The following SNAP47 variants were observed in gnomAD, a reference collection of about 807,000 sequenced individuals.
SNAP47 encodes synaptosomal-associated protein 47.
SNAP47 carries 20 observed loss-of-function variants against 31.4 expected under a neutral mutation model. The ratio of observed to expected loss-of-function variants is 0.64; its 90% CI spans 0.45 to 0.93. The LOEUF is 0.93. SNAP47 is among the 40% of genes least tolerant of loss of function. SNAP47 has a pLI of 0.00. For synonymous variants in SNAP47, 194 were observed against 213.4 expected, an observed-to-expected ratio of 0.91 and a Z score of 0.79; for missense variants, 492 against 528.5, an observed-to-expected ratio of 0.93 and a Z score of 0.68.
At position 227,737,680 on chromosome 1, in the gene SNAP47, AG is replaced by A. The variant is rs1661313821; in HGVS notation, c.-46+2184del. Reference sequence around the variant, plus strand: ...GGGTGTGAGGTTTACCCAGGAGAACAGGGAGGAGCAGAAGAGGGAGGACCAA... The same window carrying A: ...GGGTGTGAGGTTTACCCAGGAGAACAGGAGGAGCAGAAGAGGGAGGACCAA... On this transcript the variant is annotated intron_variant, in intron 1 of 4. Coordinates refer to ENST00000617596, the MANE Select transcript of SNAP47 (RefSeq NM_053052.4). Among the ~76,000 whole-genome samples, 5 of 152,276 alleles carry A rather than the reference AG, an allele frequency of 3.3e-5. No homozygotes were observed. The South Asian group carries it at 1.0e-3, about 32-fold the overall frequency.
At chr1:227,779,139 A>G (rs1451042533) in intron 4 of SNAP47, among the ~76,000 whole-genome samples, 3 of 152,250 alleles carry the variant, frequency 2.0e-5, no homozygotes, top group Admixed American at 2.0e-4. Context: ...GCTTGTTCGC[A>G]TTTGTGATCT....
chr1:227,753,415 G>C (rs1172925287), intron 2 of SNAP47, among the ~76,000 whole-genome samples: 2 of 152,130 alleles, frequency 1.3e-5, no homozygotes, highest in African/African-American at 4.8e-5. Context: ...GCAGGTTCAC[G>C]GGGCATTCTT....
intron 3 of SNAP47, 67 bp downstream of exon 3, chr1:227,759,552 C>A: frequency 6.4e-7 from 1 of 1,561,312 alleles, no homozygotes. Flanking sequence ...CTCAGCACGC[C>A]TGTGGGAAAT....
chr1:227,759,223 C>A lies in SNAP47; in HGVS notation c.726C>A (p.Ser242=). 2 of 1,614,204 alleles carry A rather than the reference C, an allele frequency of 1.2e-6. No homozygotes were observed. Among genetic ancestry groups the A allele is most frequent in the Non-Finnish European group, 1.7e-6 (2 of 1,180,048 alleles). ...VLVSGLEIHD[S]SSLLMHRFER... ...TGTCTGGGTTGGAAATACATGACTC[C>A]AGTTCTTTGCTCATGCACAGGTTTG... The change falls in exon 3 of 5, where the codon TCC becomes TCA. Residue 242 remains serine (S), a synonymous_variant. Coordinates refer to ENST00000617596, the MANE Select transcript of SNAP47 (RefSeq NM_053052.4).
Position 227,750,615 on chromosome 1 carries a change from C to T in SNAP47, c.497+2382C>T, listed in dbSNP as rs566177144. ...GCCTCCGTCCTGGCTTCTCCCTGCC[C>T]TGGCTCGCTGCTGAGGGGTGTCCCT... On this transcript the variant is annotated intron_variant, in intron 2 of 4. Coordinates refer to ENST00000617596, the MANE Select transcript of SNAP47 (RefSeq NM_053052.4). Among the ~76,000 whole-genome samples the T allele has an allele frequency of 3.3e-5, 5 of 152,276 alleles. No homozygotes were observed. In the East Asian group the frequency reaches 5.8e-4, roughly 18 times the overall value.
rs911448966 is a variant in SNAP47 at position 227,741,655 on chromosome 1, C to T, written c.-45-6037C>T. ...GGGATCAGGGCCCCGGGAGGAGGGT[C>T]TGGCCTTGGAGGTGAAAAGGGACCA... On this transcript the variant is annotated intron_variant, in intron 1 of 4. Transcript: ENST00000617596. This position sits in a 1 kb window ranked among gnomAD's most constrained non-coding sequence, Gnocchi z 4.2. Among the ~76,000 whole-genome samples, 1 of 152,094 alleles carries T rather than the reference C, an allele frequency of 6.6e-6. No individual in the cohort carries two copies.
chr1:227,739,676 T>G (rs893490248), intron 1 of SNAP47, among the ~76,000 whole-genome samples: 12 of 152,186 alleles, frequency 7.9e-5, no homozygotes, highest in Non-Finnish European at 1.3e-4. Context: ...CAGGGGACCC[T>G]TGAGTGATGG....
rs552318102 is a variant in SNAP47 at position 227,762,701 on chromosome 1, A to C, written c.988+3216A>C. On this transcript the variant is annotated intron_variant, in intron 3 of 4. Coordinates refer to ENST00000617596, the MANE Select transcript of SNAP47 (RefSeq NM_053052.4). This position sits in a 1 kb window ranked among gnomAD's most constrained non-coding sequence, Gnocchi z 4.2. ...CTCTGCAGGGCTGCGTGCCAAGTGC[A>C]CGTTTTATTTTATTCTAGACACTCG... 3.9e-5 allele frequency among the ~76,000 whole-genome samples: 6 copies of C among 152,312 alleles called. No individual in the cohort carries two copies. In the South Asian group the frequency reaches 1.0e-3, roughly 26 times the overall value.
rs1160378094 is a variant in SNAP47 at position 227,741,113 on chromosome 1, C to G, written c.-46+5614C>G. On this transcript the variant is annotated intron_variant, in intron 1 of 4. Transcript: ENST00000617596. This position sits in a 1 kb window ranked among gnomAD's most constrained non-coding sequence, Gnocchi z 4.2. The stretch of plus-strand genomic sequence containing the variant: ...GAGCTGATGGAAGGAATGTGAAGTT[C>G]AAGTGCCTGTTAGGGGTGGGGGCAG... Among the ~76,000 whole-genome samples the G allele has an allele frequency of 6.6e-6, 1 of 151,266 alleles. No individual in the cohort carries two copies. Among genetic ancestry groups the G allele is most frequent in the Non-Finnish European group, 1.5e-5 (1 of 67,818 alleles).
At chr1:227,774,825 T>C (rs1006047223) in intron 4 of SNAP47, among the ~76,000 whole-genome samples, 16 of 152,250 alleles carry the variant, frequency 1.1e-4, no homozygotes, top group African/African-American at 1.7e-4. Flanking sequence ...CTGAACACTT[T>C]AGTGAGGGTT....
chr1:227,732,395 T>C (rs368092354), upstream of SNAP47: 17 of 1,612,004 alleles, frequency 1.1e-5, no homozygotes, highest in Non-Finnish European at 1.4e-5. Context: ...ACAGGTGCTA[T>C]GGGGCCGCAG....
At chr1:227,757,397 T>TA (rs1662763061) in intron 2 of SNAP47, among the ~76,000 whole-genome samples, 1 of 152,238 alleles carries the variant, frequency 6.6e-6, no homozygotes, top group Non-Finnish European at 1.5e-5. Context: ...TCAAAAATCT[T>TA]ACAGTCACTT....
chr1:227,732,856 T>G (rs376440410), upstream of SNAP47: 22 of 1,611,262 alleles, frequency 1.4e-5, no homozygotes, highest in Admixed American at 6.7e-5. Context: ...CCCAGGAGGG[T>G]AGCCTCCATG....
At position 227,776,963 on chromosome 1, in the gene SNAP47, T is replaced by C. The variant is rs114817467; in HGVS notation, c.1114-3564T>C. ...TGTACACAATAAAATATTCCGCTTC[T>C]ATAGGCAGATCAGCTGGTCTTAGTC... On this transcript the variant is annotated intron_variant, in intron 4 of 4. Coordinates refer to ENST00000617596, the MANE Select transcript of SNAP47 (RefSeq NM_053052.4). 9.9e-4 allele frequency: 980 copies of C among 985,440 alleles called. 6 individuals are homozygous for C. The African/African-American group carries it at 0.015, about 16-fold the overall frequency. The allele number at this position is 985,440 out of a possible 1,614,324, so 61.0% of individuals were successfully genotyped here.
rs1662913437 is a variant in SNAP47, at chr1:227,759,310, G to T, written c.813G>T (p.Arg271=). ...HSPYEISIRQ[R]FIGKPDMAYR... ...CTTACGAAATTAGCATCCGCCAGCGGTTTATTGGAAAGCCAGACATGGCCT... is the reference window on the plus strand; with the variant it reads ...CTTACGAAATTAGCATCCGCCAGCGTTTTATTGGAAAGCCAGACATGGCCT... Residue 271 remains arginine (R), a synonymous_variant, in exon 3 of 5, where the codon CGG becomes CGT. Coordinates refer to ENST00000617596, the MANE Select transcript of SNAP47 (RefSeq NM_053052.4). 6.2e-7 allele frequency: 1 copy of T among 1,614,236 alleles called. No homozygotes were observed. Among genetic ancestry groups the T allele is most frequent in the African/African-American group, 1.3e-5 (1 of 75,066 alleles).
intron 1 of SNAP47, among the ~76,000 whole-genome samples, chr1:227,745,077 C>T (rs1397243086): frequency 6.6e-6 from 1 of 152,234 alleles, no homozygotes; most frequent in East Asian, 1.9e-4. Context: ...GCAGTGGTTT[C>T]AAATGCTCTT....
At chr1:227,761,290 GA>G (rs1377111643) in intron 3 of SNAP47, among the ~76,000 whole-genome samples, 1 of 152,142 alleles carries the variant, frequency 6.6e-6, no homozygotes, top group African/African-American at 2.4e-5. Flanking sequence ...GTTTCGGAAA[GA>G]AATACACATA....
At chr1:227,729,551 T>C (rs1396195938) in intron 1 of SNAP47, among the ~76,000 whole-genome samples, 1 of 152,164 alleles carries the variant, frequency 6.6e-6, no homozygotes, top group Non-Finnish European at 1.5e-5. Flanking sequence ...TGGATGTGGC[T>C]CTCAGGGATG....
At chr1:227,768,219 G>C in intron 4 of SNAP47, 1 of 956,842 alleles carries the variant, frequency 1.0e-6, no homozygotes, top group Non-Finnish European at 1.2e-6. Context: ...CAGTCTCCAG[G>C]TGCAGCTTCC....
Sources: gnomAD v4.1 joint callset for allele counts (sites outside exome capture counted in the v4.1 genomes callset) on GRCh38, gnomAD v4.1.1 for gene constraint, Gnocchi (gnomAD v3.1) non-coding constraint, MANE v1.5 for transcripts, NCBI Gene and HGNC (gene_info 2026-07-23, HGNC 2026-07-21) for gene names.